Variants in NUP153 observed in about 807,000 individuals in gnomAD.
The protein encoded by NUP153 is nucleoporin 153, also known as nuclear pore complex protein Nup153.
In NUP153, 27 loss-of-function variants were observed where a neutral mutation model predicts 134.6. The ratio of observed to expected loss-of-function variants is 0.20; its 90% confidence interval spans 0.15 to 0.28. NUP153 has a LOEUF of 0.28. Among genes scored for constraint, NUP153 ranks in the 10% least tolerant of loss-of-function variants. NUP153 has a pLI of 1.00. For missense variants in NUP153, 1,821 were observed against 1,731.3 expected (o/e 1.05, Z -0.92); for synonymous variants, 640 against 623.5 (o/e 1.03, Z -0.40).
intron 9 of NUP153, among the ~76,000 whole-genome samples, chr6:17,663,166 T>C (rs1054867972): frequency 2.0e-5 from 3 of 151,830 alleles, no homozygotes; most frequent in African/African-American, 7.3e-5. Flanking sequence ...TGTAGTAAAA[T>C]GTGAAGTTCA....
intron 1 of NUP153, among the ~76,000 whole-genome samples, chr6:17,695,597 C>A (rs1363891619): frequency 6.6e-6 from 1 of 152,040 alleles, no homozygotes; most frequent in Non-Finnish European, 1.5e-5. Context: ...TGATTTCCAC[C>A]GTTAAAGACT....
At chr6:17,661,969 CT>C in intron 10 of NUP153, 48 bp downstream of exon 10, 2 of 1,397,472 alleles carry the variant, frequency 1.4e-6, no homozygotes, top group Non-Finnish European at 2.0e-6. Flanking sequence ...AAATACAGAC[CT>C]TACAAGTTAA....
At chr6:17,674,760 A>C in intron 5 of NUP153, 145 bp downstream of exon 5, 1 of 659,560 alleles carries the variant, frequency 1.5e-6, no homozygotes. Context: ...CGACAGAGCC[A>C]AGACTCCATC....
chr6:17,669,101 T>TG, intron 7 of NUP153, 73 bp from the exon 8 acceptor site: 1 of 1,098,578 alleles, frequency 9.1e-7, no homozygotes, highest in Non-Finnish European at 1.3e-6. Context: ...TTTTTTGAGA[T>TG]GGAGTCTCAC....
At chr6:17,678,116 G>A (rs1561898157) in intron 2 of NUP153, among the ~76,000 whole-genome samples, 1 of 151,926 alleles carries the variant, frequency 6.6e-6, no homozygotes, top group African/African-American at 2.4e-5. Flanking sequence ...AGCACTTTGG[G>A]AGGCCAAGGC....
intron 1 of NUP153, among the ~76,000 whole-genome samples, chr6:17,701,616 G>A (rs535390224): frequency 6.1e-5 from 9 of 148,294 alleles, no homozygotes; most frequent in African/African-American, 1.3e-4. Flanking sequence ...AGCCGAGGTC[G>A]CACCATTGCA....
Position 17,706,483 on chromosome 6 carries a change from G to T in NUP153, c.-96C>A. On this transcript the variant is annotated 5_prime_UTR_variant, in exon 1 of 22. Transcript: ENST00000262077. The surrounding 1 kb of genome is among the most constrained non-coding windows in gnomAD (Gnocchi z 5.9). ...AGAGCCTCCCCCGCCGCCCGGCCCC[G>T]GCCCAAAAGTCCGCCCGCGCTGTCC... 2.2e-6 allele frequency: 2 copies of T among 914,264 alleles called. No homozygotes were observed. Among genetic ancestry groups the T allele is most frequent in the Non-Finnish European group, 3.3e-6 (2 of 612,022 alleles). The allele number at this position is 914,264 out of a possible 1,614,324, so 56.6% of individuals were successfully genotyped here. A position where few individuals can be genotyped will look rare whatever the true frequency, so the allele number is the denominator to read the frequency against.
At chr6:17,669,205 A>G (rs529561061) in intron 7 of NUP153, 88 bp downstream of exon 7, 19 of 1,199,090 alleles carry the variant, frequency 1.6e-5, no homozygotes, top group Middle Eastern at 2.8e-4. Context: ...CAGCCTCCCA[A>G]GTAGCTGGGA....
intron 11 of NUP153, among the ~76,000 whole-genome samples, chr6:17,652,288 A>G (rs1157695594): frequency 1.3e-5 from 2 of 152,192 alleles, no homozygotes; most frequent in Non-Finnish European, 2.9e-5. Context: ...AGTGAACTAT[A>G]AAACAAGTCT....
chr6:17,616,086 C>T lies in NUP153; in HGVS notation c.*11G>A, dbSNP rs770095066. The T allele has an allele frequency of 2.5e-6, 4 of 1,592,266 alleles. No individual in the cohort carries two copies. The highest frequency in any genetic ancestry group is 2.6e-6 in the Non-Finnish European group (3 of 1,160,332). On this transcript the variant is annotated 3_prime_UTR_variant, in exon 22 of 22. Coordinates refer to ENST00000262077, the MANE Select transcript of NUP153 (RefSeq NM_005124.4). ...CTGTTGTTAAAATTGAGTACAACAC[C>T]AATGTGACCTTTATTTCCTGCGTCT... is the stretch of plus-strand genomic sequence containing the variant.
At position 17,615,437 on chromosome 6, in the gene NUP153, C is replaced by A. The variant is rs1042216160; in HGVS notation, c.*660G>T. The A allele has an allele frequency of 6.6e-6, 1 of 152,448 alleles. No individual in the cohort carries two copies. Among genetic ancestry groups the A allele is most frequent in the Admixed American group, 6.6e-5 (1 of 15,264 alleles). The allele number at this position is 152,448 out of a possible 1,614,324, so 9.4% of individuals were successfully genotyped here. A position where few individuals can be genotyped will look rare whatever the true frequency, so the allele number is the denominator to read the frequency against. On this transcript the variant is annotated 3_prime_UTR_variant, in exon 22 of 22. Coordinates refer to ENST00000262077, the MANE Select transcript of NUP153 (RefSeq NM_005124.4). The surrounding 1 kb of genome is among the most constrained non-coding windows in gnomAD (Gnocchi z 5.7). ...GTACAGAAACAAAATTGTATTTACA[C>A]AAGTTTCATAATAAAATAATGAAAA...
intron 2 of NUP153, among the ~76,000 whole-genome samples, chr6:17,678,620 T>C (rs1189130725): frequency 6.6e-6 from 1 of 152,194 alleles, no homozygotes; most frequent in African/African-American, 2.4e-5. Flanking sequence ...TTTGCCATTC[T>C]GTAGTGTTCT....
chr6:17,630,056 A>C (rs1765151849), intron 17 of NUP153, among the ~76,000 whole-genome samples: 1 of 152,238 alleles, frequency 6.6e-6, no homozygotes, highest in South Asian at 2.1e-4. Flanking sequence ...ATAAAATCAA[A>C]GGGGCAGAAA....
intron 11 of NUP153, 85 bp downstream of exon 11, chr6:17,661,568 C>A: frequency 7.4e-7 from 1 of 1,348,912 alleles, no homozygotes; most frequent in Non-Finnish European, 9.8e-7. Flanking sequence ...TCTCTTCGAA[C>A]CCCACCCCTA....
chr6:17,629,809 G>C (rs1765141128), intron 17 of NUP153, among the ~76,000 whole-genome samples: 1 of 152,194 alleles, frequency 6.6e-6, no homozygotes. Context: ...TACTAGTGAT[G>C]AGACTGGAAG....
At chr6:17,705,723 A>C (rs1345105198) in intron 1 of NUP153, among the ~76,000 whole-genome samples, 1 of 152,160 alleles carries the variant, frequency 6.6e-6, no homozygotes, top group Non-Finnish European at 1.5e-5. Context: ...GGAGGGCCAC[A>C]GGCAGGGGAA....
At chr6:17,699,441 CCATTGCA>C (rs749352840) in intron 1 of NUP153, among the ~76,000 whole-genome samples, 116 of 149,554 alleles carry the variant, frequency 7.8e-4, no homozygotes, top group Non-Finnish European at 1.5e-3. Flanking sequence ...CGAAATCGCA[CCATTGCA>C]CTTCAGCCTG....
At chr6:17,676,790 G>A (rs1161820262) in intron 2 of NUP153, among the ~76,000 whole-genome samples, 1 of 152,148 alleles carries the variant, frequency 6.6e-6, no homozygotes, top group Non-Finnish European at 1.5e-5. Flanking sequence ...AAAACAGAGC[G>A]GGAAGAAATC....
At chr6:17,617,896 C>T (rs1294555251) in intron 20 of NUP153, among the ~76,000 whole-genome samples, 2 of 151,924 alleles carry the variant, frequency 1.3e-5, no homozygotes, top group Non-Finnish European at 2.9e-5. Flanking sequence ...CCTCTTCCAC[C>T]GCACCAGAAC....
Sources: allele counts gnomAD v4.1 joint callset (sites outside exome capture counted in the v4.1 genomes callset), GRCh38; gene constraint gnomAD v4.1.1; non-coding constraint Gnocchi (gnomAD v3.1); transcripts MANE v1.5; gene names NCBI Gene and HGNC (gene_info 2026-07-23, HGNC 2026-07-21).